Variants in APBB2 observed in about 807,000 individuals in gnomAD.
The protein encoded by APBB2 is amyloid beta precursor protein binding family B member 2, also known as Fe65-like 1.
In APBB2, 38 loss-of-function variants were observed where a neutral mutation model predicts 82.5. The ratio of observed to expected loss-of-function variants is 0.46; its 90% CI spans 0.36 to 0.60. The LOEUF is 0.60. APBB2 is among the 20% of genes least tolerant of loss of function. The probability of loss-of-function intolerance (pLI) is 0.00; values close to 1 mark genes in which losing one functional copy is unlikely to be tolerated. For synonymous variants in APBB2, 341 were observed against 368.2 expected (o/e 0.93, Z 0.85); for missense variants, 772 against 972.3 (o/e 0.79, Z 2.74).
At chr4:40,994,270 G>C (rs575263125) in intron 6 of APBB2, among the ~76,000 whole-genome samples, 137 of 136,756 alleles carry the variant, frequency 1.0e-3, no homozygotes, top group Non-Finnish European at 1.7e-3. Context: ...CTGGGCAACA[G>C]AGCAAGACTC....
At chr4:40,973,295 G>T (rs1301755685) in intron 6 of APBB2, among the ~76,000 whole-genome samples, 2 of 152,202 alleles carry the variant, frequency 1.3e-5, no homozygotes, top group South Asian at 2.1e-4. Flanking sequence ...CATGGCACAA[G>T]TTAGCCTGGA....
At chr4:40,896,483 T>C (rs1773689149) in intron 10 of APBB2, among the ~76,000 whole-genome samples, 2 of 152,230 alleles carry the variant, frequency 1.3e-5, no homozygotes, top group Admixed American at 1.3e-4. Flanking sequence ...TTTTGCTCGT[T>C]TGTAAAAATG....
intron 1 of APBB2, among the ~76,000 whole-genome samples, chr4:41,159,958 A>G (rs13102542): frequency 0.035 from 2,045 of 58,004 alleles, 175 homozygotes; most frequent in Non-Finnish European, 0.042. Context: ...GGAGAAGGAG[A>G]AGGAGAAGAA....
chr4:40,911,448 A>G (rs1334260873), intron 10 of APBB2, among the ~76,000 whole-genome samples: 3 of 152,222 alleles, frequency 2.0e-5, no homozygotes, highest in Non-Finnish European at 4.4e-5. Flanking sequence ...TAAATTATCA[A>G]TAAATCCTGA....
intron 10 of APBB2, among the ~76,000 whole-genome samples, chr4:40,907,306 A>G (rs1035605060): frequency 6.8e-6 from 1 of 147,256 alleles, no homozygotes; most frequent in Non-Finnish European, 1.5e-5. Flanking sequence ...GCTCTACTCC[A>G]ATAGGACTGA....
At chr4:40,823,000 A>C (rs1157158770) in intron 16 of APBB2, among the ~76,000 whole-genome samples, 1 of 152,212 alleles carries the variant, frequency 6.6e-6, no homozygotes, top group African/African-American at 2.4e-5. Flanking sequence ...TCCTCTCTCC[A>C]GGGTGAACCG....
intron 12 of APBB2, chr4:40,857,261 C>T (rs1362670462): frequency 1.2e-6 from 1 of 800,260 alleles, no homozygotes; most frequent in Non-Finnish European, 1.5e-6. Flanking sequence ...CGGCCGCACT[C>T]CCGTGAAGTG....
chr4:41,145,302 G>A (rs141305383), intron 1 of APBB2, among the ~76,000 whole-genome samples: 33 of 152,112 alleles, frequency 2.2e-4, no homozygotes, highest in East Asian at 1.9e-3. Flanking sequence ...TAATAAGCCC[G>A]TGCCCAGAGA....
intron 12 of APBB2, among the ~76,000 whole-genome samples, chr4:40,849,810 C>T (rs902606207): frequency 2.0e-5 from 3 of 149,210 alleles, no homozygotes; most frequent in African/African-American, 7.4e-5. Context: ...TCACTGCAAC[C>T]TCTGCCTCCC....
rs148331980 is a variant in APBB2 at position 41,068,060 on chromosome 4, G to A, written c.-148-2387C>T. On this transcript the variant is annotated intron_variant, in intron 3 of 17. Coordinates refer to ENST00000508593, the MANE Select transcript of APBB2 (RefSeq NM_004307.2). ...AAGAAGAGGGGAGTCCACAATCCTC[G>A]GATATTAGAAGGAAAGTACAGTAGC... Among the ~76,000 whole-genome samples the A allele has an allele frequency of 1.1e-4, 17 of 152,276 alleles. No individual in the cohort carries two copies. In the East Asian group the frequency reaches 2.3e-3, roughly 21 times the overall value.
intron 1 of APBB2, among the ~76,000 whole-genome samples, chr4:41,213,794 CCGAGGGGGAAAAGGAA>C (rs966980883): frequency 1.3e-5 from 2 of 152,228 alleles, no homozygotes; most frequent in Admixed American, 1.3e-4. Flanking sequence ...CTCTCTGCCA[CCGAGGGGGAAAAGGAA>C]CTTTTCCCCC....
chr4:40,821,740 C>A, intron 17 of APBB2, 131 bp downstream of exon 17: 1 of 1,031,384 alleles, frequency 9.7e-7, no homozygotes, highest in Non-Finnish European at 1.4e-6. Flanking sequence ...GGAATGACGG[C>A]GTTATAAAGT....
At chr4:40,882,665 C>T (rs114390342) in intron 12 of APBB2, among the ~76,000 whole-genome samples, 9 of 152,064 alleles carry the variant, frequency 5.9e-5, no homozygotes, top group East Asian at 1.9e-4. Context: ...AGGTAGCAGA[C>T]GAGAGAAGCA....
chr4:41,106,676 C>T (rs1036431517), intron 2 of APBB2, among the ~76,000 whole-genome samples: 1 of 152,066 alleles, frequency 6.6e-6, no homozygotes, highest in Non-Finnish European at 1.5e-5. Context: ...TGGGGTTTCA[C>T]CGTGTTAGCC....
Position 40,945,090 on chromosome 4 carries a change from C to CGG in APBB2, c.836-19_836-18dup. ...ATATATCTGCTGAAAAATTGGGGGG[C>CGG]GGGGCGGGGGGAGAAAGAGAGAATT... is the stretch of plus-strand genomic sequence containing the variant. On this transcript the variant is annotated splice_polypyrimidine_tract_variant and intron_variant, in intron 6 of 17. Transcript: ENST00000508593. The CGG allele has an allele frequency of 1.5e-6, 1 of 656,248 alleles. No homozygotes were observed. Among genetic ancestry groups the CGG allele is most frequent in the South Asian group, 2.1e-5 (1 of 48,322 alleles). The allele number at this position is 656,248 out of a possible 1,614,324, so 40.7% of individuals were successfully genotyped here.
intron 1 of APBB2, among the ~76,000 whole-genome samples, chr4:41,153,979 G>C (rs1164565054): frequency 6.6e-6 from 1 of 152,102 alleles, no homozygotes; most frequent in African/African-American, 2.4e-5. Context: ...ATTTATTACT[G>C]AGGATTTGTG....
intron 6 of APBB2, among the ~76,000 whole-genome samples, chr4:40,950,574 G>T (rs1001052798): frequency 5.3e-5 from 8 of 152,040 alleles, no homozygotes; most frequent in Non-Finnish European, 1.2e-4. Flanking sequence ...TTGGCCGGGT[G>T]TGGGGGCTCA....
intron 1 of APBB2, among the ~76,000 whole-genome samples, chr4:41,183,565 C>T (rs978825069): frequency 5.9e-5 from 9 of 151,936 alleles, no homozygotes; most frequent in Non-Finnish European, 1.0e-4. Flanking sequence ...AGGGAGAACA[C>T]CATGTGAAGA....
chr4:41,193,635 C>G, intron 1 of APBB2: 20 of 877,246 alleles, frequency 2.3e-5, no homozygotes, highest in Non-Finnish European at 2.3e-5. Context: ...TGCATTATTA[C>G]TTCTGCAGGT....
Sources: allele counts gnomAD v4.1 joint callset (sites outside exome capture counted in the v4.1 genomes callset), GRCh38; gene constraint gnomAD v4.1.1; transcripts MANE v1.5; gene names NCBI Gene and HGNC (gene_info 2026-07-23, HGNC 2026-07-21).